Variants in PKHD1 observed in about 807,000 individuals in gnomAD.
PKHD1 encodes the protein PKHD1 ciliary IPT domain containing fibrocystin/polyductin, also known as fibrocystin.
Under a neutral mutation model 412.0 loss-of-function variants are expected in PKHD1, and 291 were observed. That is an observed-to-expected ratio of 0.71 (90% CI 0.64 to 0.78). PKHD1 has a LOEUF of 0.78. Ranked by LOEUF, PKHD1 falls within the 30% of genes least tolerant of loss-of-function variation. The pLI is 0.00. For missense variants in PKHD1, 4,825 were observed against 4,950.7 expected (o/e 0.97, Z 0.76); for synonymous variants, 1,777 against 1,821.5 (o/e 0.98, Z 0.62).
rs545912995 is a variant in PKHD1, at chr6:51,692,383, C to T, written c.10157-32414G>A. Among the ~76,000 whole-genome samples, 3 of 152,200 alleles carry T rather than the reference C, an allele frequency of 2.0e-5. No homozygotes were observed. The East Asian group carries it at 5.8e-4, about 29-fold the overall frequency. On this transcript the variant is annotated intron_variant, in intron 60 of 66. Coordinates refer to ENST00000371117, the MANE Select transcript of PKHD1 (RefSeq NM_138694.4). ...ACTAATCAACTCATCTTCCATTCAT[C>T]TCTAGTTAAAATTCTTTTCTGTTCA...
chr6:51,622,989 C>G (rs1027583140), intron 66 of PKHD1: 1 of 151,868 alleles, frequency 6.6e-6, no homozygotes, highest in Non-Finnish European at 1.5e-5. Context: ...ACTAATGTGC[C>G]CATATATTCT....
chr6:51,727,874 T>C (rs1782769679), intron 60 of PKHD1, among the ~76,000 whole-genome samples: 1 of 152,172 alleles, frequency 6.6e-6, no homozygotes, highest in African/African-American at 2.4e-5. Flanking sequence ...AATGTGATAA[T>C]TGCCAAACCA....
At chr6:51,959,149 CAG>C (rs1211262761) in intron 36 of PKHD1, among the ~76,000 whole-genome samples, 3 of 152,148 alleles carry the variant, frequency 2.0e-5, no homozygotes, top group Non-Finnish European at 4.4e-5. Flanking sequence ...TGTTTTAGTG[CAG>C]AGTTTCATAG....
chr6:51,627,215 A>T (rs1213609567), intron 65 of PKHD1, 99 bp from the exon 66 acceptor site: 4 of 1,032,472 alleles, frequency 3.9e-6, no homozygotes, highest in Non-Finnish European at 6.1e-6. Context: ...TCCCAAAATT[A>T]TCATACACAT....
chr6:51,658,814 C>T (rs1462882496), intron 61 of PKHD1, 138 bp downstream of exon 61: 3 of 659,520 alleles, frequency 4.5e-6, no homozygotes, highest in Admixed American at 2.5e-5. Flanking sequence ...CTTTAAATGA[C>T]TCTTTGAATT....
intron 66 of PKHD1, chr6:51,622,589 G>T (rs1313222800): frequency 1.3e-5 from 2 of 152,284 alleles, no homozygotes; most frequent in South Asian, 4.2e-4. Flanking sequence ...TAGAGAATTT[G>T]TTCCTTTATG....
At chr6:52,050,718 G>C (rs1184025059) in intron 21 of PKHD1, among the ~76,000 whole-genome samples, 1 of 152,144 alleles carries the variant, frequency 6.6e-6, no homozygotes, top group Admixed American at 6.5e-5. Flanking sequence ...GCATACACAG[G>C]GGCACTTGGG....
chr6:51,726,334 T>C (rs1420748223), intron 60 of PKHD1, among the ~76,000 whole-genome samples: 2 of 152,232 alleles, frequency 1.3e-5, no homozygotes, highest in Non-Finnish European at 2.9e-5. Context: ...AGAGAGTTTA[T>C]TGTAAACAAT....
intron 35 of PKHD1, among the ~76,000 whole-genome samples, chr6:51,997,183 C>A (rs939948889): frequency 1.3e-5 from 2 of 152,196 alleles, no homozygotes; most frequent in African/African-American, 4.8e-5. Context: ...AAGCTACTGA[C>A]AACCACATTG....
intron 52 of PKHD1, among the ~76,000 whole-genome samples, chr6:51,793,773 T>G (rs570276427): frequency 2.0e-5 from 3 of 152,196 alleles, no homozygotes; most frequent in African/African-American, 4.8e-5. Context: ...CAGTCTATCA[T>G]TGATGGACAT....
At chr6:51,739,181 C>T (rs1278255463) in intron 60 of PKHD1, among the ~76,000 whole-genome samples, 1 of 148,328 alleles carries the variant, frequency 6.7e-6, no homozygotes, top group East Asian at 2.0e-4. Context: ...TATATACATA[C>T]ACATACACAT....
chr6:51,659,805 A>G lies in PKHD1; in HGVS notation c.10321T>C (p.Phe3441Leu), dbSNP rs777144171. Reference sequence around the variant, plus strand: ...GGAATATTGGCATTTACACTGCTAAAGACATCAACAAAACCACTAGTCACA... The same window carrying G: ...GGAATATTGGCATTTACACTGCTAAGGACATCAACAAAACCACTAGTCACA... ...VSVTSGFVDVFSSVNANIPCS... is the reference protein window; with the variant it reads ...VSVTSGFVDVLSSVNANIPCS... The change falls in exon 61 of 67, where the codon TTT becomes CTT. Residue 3441 changes from phenylalanine (F) to leucine (L), a missense_variant. Physicochemically the swap from Phe to Leu is conservative, Grantham distance 22. Transcript: ENST00000371117. 2.5e-6 allele frequency: 4 copies of G among 1,613,868 alleles called. No individual in the cohort carries two copies. In the East Asian group the frequency reaches 8.9e-5, roughly 36 times the overall value.
At chr6:51,633,837 T>C (rs1768219272) in intron 64 of PKHD1, among the ~76,000 whole-genome samples, 1 of 152,158 alleles carries the variant, frequency 6.6e-6, no homozygotes, top group African/African-American at 2.4e-5. Flanking sequence ...ATACATGTAT[T>C]TGAAGTAATA....
intron 52 of PKHD1, among the ~76,000 whole-genome samples, chr6:51,809,871 G>GA (rs60615661): frequency 0.56 from 82,644 of 147,088 alleles, 23,067 homozygotes; most frequent in South Asian, 0.64. Flanking sequence ...TTTTTTTCTA[G>GA]AAAAAAAAAA....
intron 61 of PKHD1, among the ~76,000 whole-genome samples, chr6:51,649,624 CCT>C (rs1770622701): frequency 6.6e-6 from 1 of 152,020 alleles, no homozygotes; most frequent in African/African-American, 2.4e-5. Context: ...CAAATAATGC[CCT>C]GATTTGTGGA....
chr6:52,085,114 A>T (rs1812572482), intron 1 of PKHD1, 97 bp from the exon 2 acceptor site: 2 of 598,284 alleles, frequency 3.3e-6, no homozygotes, highest in African/African-American at 3.7e-5. Flanking sequence ...AGATGAGATA[A>T]ACATGGCCTT....
At chr6:52,053,020 A>G (rs1368559593) in intron 21 of PKHD1, 56 bp downstream of exon 21, 1 of 1,540,166 alleles carries the variant, frequency 6.5e-7, no homozygotes, top group African/African-American at 1.4e-5. Context: ...CCCTAGCAGG[A>G]AAGTTTGAGG....
rs936125300 is a variant in PKHD1, at chr6:51,747,921, G to A, written c.9695C>T (p.Ala3232Val). The part of the protein sequence containing the change: ...HSANLTSTDR[A>V]PSNPRGGRIG... ...TCGACCTCCTCTTGGATTGGAGGGA[G>A]CTCTATCTGTTGATGTCAAGTTGGC... The change falls in exon 58 of 67, where the codon GCT (alanine) becomes GTT (valine). Residue 3232 changes from alanine to valine, a missense_variant. Physicochemically the swap from Ala to Val is moderately conservative, Grantham distance 64. Transcript: ENST00000371117. 2.5e-6 allele frequency: 4 copies of A among 1,613,954 alleles called. No individual in the cohort carries two copies. The highest frequency in any genetic ancestry group is 1.3e-5 in the African/African-American group (1 of 74,914).
At chr6:52,073,078 C>T (rs1279907378) in intron 7 of PKHD1, among the ~76,000 whole-genome samples, 4 of 152,182 alleles carry the variant, frequency 2.6e-5, no homozygotes, top group Admixed American at 6.5e-5. Context: ...TTTTAAAGCA[C>T]AAATGGATAA....
Sources: allele counts gnomAD v4.1 joint callset (sites outside exome capture counted in the v4.1 genomes callset), GRCh38; gene constraint gnomAD v4.1.1; transcripts MANE v1.5; gene names NCBI Gene and HGNC (gene_info 2026-07-23, HGNC 2026-07-21).